The following TTC19 variants were observed in gnomAD, a reference collection of about 807,000 sequenced individuals.
TTC19 encodes the protein tetratricopeptide repeat domain 19, also known as tetratricopeptide repeat protein 19, mitochondrial.
In TTC19, 38 loss-of-function variants were observed where a neutral mutation model predicts 49.5. The observed-to-expected ratio is 0.77, with a 90% CI of 0.59 to 1.01. The LOEUF (loss-of-function observed/expected upper bound fraction) is 1.01, where lower values mean the gene tolerates loss of function less well. Ranked by LOEUF, TTC19 falls within the 50% of genes least tolerant of loss-of-function variation. The pLI, the probability that TTC19 is intolerant of heterozygous loss-of-function variation, is 0.00. For missense variants in TTC19, 475 were observed against 477.7 expected (o/e 0.99, Z 0.05); for synonymous variants, 204 against 185.2 (o/e 1.10, Z -0.83).
At chr17:16,007,972 TCATCAG>T (rs989614215) in intron 7 of TTC19, among the ~76,000 whole-genome samples, 1 of 152,128 alleles carries the variant, frequency 6.6e-6, no homozygotes, top group Non-Finnish European at 1.5e-5. Flanking sequence ...CTTAACTTAC[TCATCAG>T]CAGCTTTAAC....
chr17:16,018,060 T>C (rs960190129), intron 7 of TTC19, among the ~76,000 whole-genome samples: 4 of 152,234 alleles, frequency 2.6e-5, no homozygotes, highest in African/African-American at 9.6e-5. Context: ...CTTTCCCTTT[T>C]CCTCACTTGT....
At chr17:16,019,282 G>A (rs1002101414) in intron 7 of TTC19, among the ~76,000 whole-genome samples, 8 of 152,184 alleles carry the variant, frequency 5.3e-5, no homozygotes, top group African/African-American at 1.4e-4. Context: ...GCAGTGAGCC[G>A]AGATCGTGCC....
chr17:16,029,293 A>T lies in TTC19; in HGVS notation c.*1771A>T, dbSNP rs1477171866. 2.2e-6 allele frequency: 1 copy of T among 451,332 alleles called. No individual in the cohort carries two copies. The highest frequency in any genetic ancestry group is 1.6e-5 in the South Asian group (1 of 63,252). 28.0% of individuals were successfully genotyped at this position (451,332 alleles called of 1,614,324 possible). ...GGTGTTTTCATTACAGTTCATTTAC[A>T]CTGTTGTAAAATAAGGTACTGAAGC... is the stretch of plus-strand genomic sequence containing the variant. On this transcript the variant is annotated 3_prime_UTR_variant, in exon 10 of 10. Coordinates refer to ENST00000261647, the MANE Select transcript of TTC19 (RefSeq NM_017775.4).
chr17:16,013,087 C>G (rs577128343), intron 7 of TTC19, among the ~76,000 whole-genome samples: 1 of 152,146 alleles, frequency 6.6e-6, no homozygotes, highest in African/African-American at 2.4e-5. Context: ...GCCTGTGGTC[C>G]CAGCTACTTA....
intron 7 of TTC19, among the ~76,000 whole-genome samples, chr17:16,022,001 T>A (rs1396311652): frequency 6.6e-6 from 1 of 152,156 alleles, no homozygotes; most frequent in Admixed American, 6.5e-5. Flanking sequence ...CAAGGCTCCT[T>A]GTTGTCTCCC....
rs747745984 is a variant in TTC19 at position 16,026,664 on chromosome 17, T to C, written c.956T>C (p.Met319Thr). ...ARQINHPELH[M>T]VLSNLAAVLM... ...CAGATAAATCATCCTGAGCTACACA[T>C]GGTACTCAGTAATCTAGCTGCAGTT... Residue 319 changes from methionine (M) to threonine (T), a missense_variant, in exon 9 of 10, where the codon ATG (methionine) becomes ACG (threonine). Physicochemically the swap from Met to Thr is moderately conservative, Grantham distance 81. Transcript: ENST00000261647. 5.0e-6 allele frequency: 8 copies of C among 1,614,130 alleles called. No homozygotes were observed. The highest frequency in any genetic ancestry group is 5.9e-6 in the Non-Finnish European group (7 of 1,179,994).
chr17:16,001,534 C>T (rs959204442), intron 2 of TTC19, among the ~76,000 whole-genome samples: 1 of 152,058 alleles, frequency 6.6e-6, no homozygotes, highest in South Asian at 2.1e-4. Context: ...CTTATCATTC[C>T]TTTCTGTCAT....
intron 8 of TTC19, among the ~76,000 whole-genome samples, chr17:16,025,630 G>A (rs145469756): frequency 1.4e-4 from 21 of 152,314 alleles, no homozygotes; most frequent in African/African-American, 4.3e-4. Flanking sequence ...GCATATTATA[G>A]AATTTAAGTA....
intron 2 of TTC19, chr17:16,034,767 G>A: frequency 1.9e-6 from 3 of 1,611,218 alleles, no homozygotes; most frequent in South Asian, 1.1e-5. Context: ...ATCCTTACCT[G>A]TTGAAGAGGG....
intron 2 of TTC19, among the ~76,000 whole-genome samples, chr17:16,036,081 C>CAAATGTAT (rs1412682579): frequency 6.6e-6 from 1 of 152,204 alleles, no homozygotes; most frequent in Admixed American, 6.5e-5. Flanking sequence ...CAGCTATTGC[C>CAAATGTAT]TTATGAAATG....
chr17:16,034,859 C>A (rs747092561), intron 2 of TTC19: 1 of 1,614,108 alleles, frequency 6.2e-7, no homozygotes, highest in Non-Finnish European at 8.5e-7. Context: ...AGGGCCGTTC[C>A]GTTCCTAAGT....
intron 2 of TTC19, among the ~76,000 whole-genome samples, chr17:16,035,415 A>G (rs150897582): frequency 3.3e-4 from 50 of 152,276 alleles, no homozygotes; most frequent in African/African-American, 1.2e-3. Context: ...TTCAATCTCA[A>G]GAAACCACTT....
At chr17:16,008,647 TC>T (rs982867084) in intron 7 of TTC19, among the ~76,000 whole-genome samples, 2 of 152,118 alleles carry the variant, frequency 1.3e-5, no homozygotes, top group Non-Finnish European at 2.9e-5. Flanking sequence ...TCTGCTGCTC[TC>T]CCCTTGCTCG....
At chr17:16,039,763 C>A in intron 2 of TTC19, 6 of 963,308 alleles carry the variant, frequency 6.2e-6, no homozygotes, top group Non-Finnish European at 9.4e-6. Context: ...GGCAAGTGAC[C>A]TAGAACAATA....
At chr17:16,033,655 T>TTATTG (rs1172366452), downstream of TTC19, among the ~76,000 whole-genome samples, 1 of 151,980 alleles carries the variant, frequency 6.6e-6, no homozygotes, top group Admixed American at 6.6e-5. Flanking sequence ...TATCCCAGTT[T>TTATTG]TAAAAGTCTG....
In TTC19 at chr17:16,000,338, C is replaced by G. The variant is rs768803334; in HGVS notation, c.312+93C>G. 1.0e-5 allele frequency: 16 copies of G among 1,548,328 alleles called. No homozygotes were observed. In the South Asian group the frequency reaches 1.0e-4, roughly 10 times the overall value. ...CTGCGCATTACTCTCTCCGCCTCGC[C>G]GAAGAGTGGATGGAGGCTCCGCGGG... On this transcript the variant is annotated intron_variant, in intron 2 of 9. Transcript: ENST00000261647.
intron 8 of TTC19, 32 bp from the exon 9 acceptor site, chr17:16,026,508 A>T: frequency 1.9e-6 from 3 of 1,611,024 alleles, no homozygotes; most frequent in Non-Finnish European, 2.5e-6. Context: ...GCATGTTTTT[A>T]AAGAAAAAAT....
rs375830420 is a variant in TTC19 at position 16,027,535 on chromosome 17, G to A, written c.*13G>A. On this transcript the variant is annotated 3_prime_UTR_variant, in exon 10 of 10. Coordinates refer to ENST00000261647, the MANE Select transcript of TTC19 (RefSeq NM_017775.4). ...TGTCAAGCTCTAAATCCATTTTTGT[G>A]TAGGGAGAATAATGTCTAGTAATGT... The A allele has an allele frequency of 6.2e-6, 10 of 1,613,574 alleles. No homozygotes were observed. The highest frequency in any genetic ancestry group is 1.3e-5 in the African/African-American group (1 of 74,910).
chr17:16,038,938 T>C (rs2057011092), intron 2 of TTC19, among the ~76,000 whole-genome samples: 1 of 152,118 alleles, frequency 6.6e-6, no homozygotes, highest in African/African-American at 2.4e-5. Context: ...GCCCAGCTAA[T>C]TTTTGTATTT....
Sources: gnomAD v4.1 joint callset for allele counts (sites outside exome capture counted in the v4.1 genomes callset) on GRCh38, gnomAD v4.1.1 for gene constraint, MANE v1.5 for transcripts, NCBI Gene and HGNC (gene_info 2026-07-23, HGNC 2026-07-21) for gene names.